The following WWTR1 variants were observed in gnomAD, a reference collection of about 807,000 sequenced individuals.
WWTR1 encodes WW domain containing transcription regulator 1.
In WWTR1, 13 loss-of-function variants were observed where a neutral mutation model predicts 40.1. The ratio of observed to expected loss-of-function variants is 0.32; its 90% CI spans 0.21 to 0.52. WWTR1 has a LOEUF of 0.52. Among genes scored for constraint, WWTR1 ranks in the 20% least tolerant of loss-of-function variants. WWTR1 has a pLI of 0.97. For synonymous variants in WWTR1, 230 were observed against 210.1 expected (o/e 1.09, Z -0.82); for missense variants, 436 against 523.1 (o/e 0.83, Z 1.63).
At chr3:149,710,410 G>A (rs1490824745) in intron 5 of WWTR1, among the ~76,000 whole-genome samples, 1 of 152,008 alleles carries the variant, frequency 6.6e-6, no homozygotes, top group Non-Finnish European at 1.5e-5. Flanking sequence ...TCAAATTCTG[G>A]TTTGCTATTT....
intron 2 of WWTR1, among the ~76,000 whole-genome samples, chr3:149,608,855 C>G (rs1466359481): frequency 2.6e-5 from 4 of 151,964 alleles, no homozygotes; most frequent in Admixed American, 2.0e-4. Flanking sequence ...GAGTTTGAGA[C>G]CAGCCTGGGC....
chr3:149,529,967 C>G (rs1198231791), intron 4 of WWTR1, among the ~76,000 whole-genome samples: 1 of 152,108 alleles, frequency 6.6e-6, no homozygotes, highest in Non-Finnish European at 1.5e-5. Flanking sequence ...TGGGAGTTTA[C>G]CTCTAAACAA....
chr3:149,565,676 C>G (rs1469057601), intron 3 of WWTR1, among the ~76,000 whole-genome samples: 1 of 152,064 alleles, frequency 6.6e-6, no homozygotes, highest in Admixed American at 6.6e-5. Flanking sequence ...CTTTGGGAGG[C>G]TGAGGTGGGC....
intron 2 of WWTR1, among the ~76,000 whole-genome samples, chr3:149,583,167 T>C (rs1738235860): frequency 6.6e-6 from 1 of 152,198 alleles, no homozygotes; most frequent in Non-Finnish European, 1.5e-5. Flanking sequence ...GGTTTCACCA[T>C]GTTGGCCAGG....
chr3:149,685,198 G>C (rs1714603768), intron 1 of WWTR1, among the ~76,000 whole-genome samples: 1 of 152,120 alleles, frequency 6.6e-6, no homozygotes, highest in Non-Finnish European at 1.5e-5. Context: ...ACAAAGAATG[G>C]GCACCTGATC....
At chr3:149,540,373 C>G in intron 4 of WWTR1, 2 of 429,234 alleles carry the variant, frequency 4.7e-6, no homozygotes, top group South Asian at 3.3e-5. Context: ...CTTTTCCCAC[C>G]CCTTTTCAGA....
intron 1 of WWTR1, chr3:149,701,586 A>G (rs1715175025): frequency 5.6e-6 from 1 of 178,422 alleles, no homozygotes; most frequent in Admixed American, 6.3e-5. Flanking sequence ...CAAATATAAC[A>G]TGATAAAATA....
chr3:149,713,097 G>A (rs963232591), intron 5 of WWTR1, among the ~76,000 whole-genome samples: 1 of 152,176 alleles, frequency 6.6e-6, no homozygotes, highest in African/African-American at 2.4e-5. Flanking sequence ...TAGGTGGAGA[G>A]AAAAGGTAAT....
At chr3:149,659,332 T>TTTTTTTTTTC, upstream of WWTR1, 1 of 63,640 alleles carries the variant, frequency 1.6e-5, no homozygotes, top group African/African-American at 6.1e-5. Context: ...TGTGCCTTAA[T>TTTTTTTTTTC]TTTTTTTTTT....
chr3:149,537,954 C>CT (rs1735910769), intron 4 of WWTR1, among the ~76,000 whole-genome samples: 1 of 151,822 alleles, frequency 6.6e-6, no homozygotes, highest in Non-Finnish European at 1.5e-5. Flanking sequence ...GAGTCTCACT[C>CT]TGTTGCCCAG....
chr3:149,565,122 G>C (rs938632432), intron 3 of WWTR1, among the ~76,000 whole-genome samples: 2 of 151,460 alleles, frequency 1.3e-5, no homozygotes, highest in Non-Finnish European at 2.9e-5. Flanking sequence ...GGGAGGCAGA[G>C]GTTGCAGTGA....
At chr3:149,657,453 C>T (rs1713317939) in intron 1 of WWTR1, 144 bp from the exon 2 acceptor site, 1 of 964,618 alleles carries the variant, frequency 1.0e-6, no homozygotes. Flanking sequence ...CCTGGAGATC[C>T]CAGACACTCA....
At chr3:149,646,622 T>C (rs995578800) in intron 2 of WWTR1, among the ~76,000 whole-genome samples, 9 of 152,302 alleles carry the variant, frequency 5.9e-5, no homozygotes, top group Non-Finnish European at 8.8e-5. Context: ...CTCTAACTGG[T>C]TATTGAATTT....
chr3:149,695,624 G>A (rs1247629737), intron 1 of WWTR1, among the ~76,000 whole-genome samples: 4 of 151,486 alleles, frequency 2.6e-5, no homozygotes, highest in Non-Finnish European at 5.9e-5. Context: ...CTCTGGGCAT[G>A]ATGGCAGGCG....
intron 3 of WWTR1, among the ~76,000 whole-genome samples, chr3:149,554,285 A>G (rs1240959071): frequency 6.6e-6 from 1 of 152,186 alleles, no homozygotes; most frequent in Non-Finnish European, 1.5e-5. Flanking sequence ...CAAGCCTTAA[A>G]ACCACTTCCA....
chr3:149,529,991 T>G (rs1735490785), intron 4 of WWTR1, among the ~76,000 whole-genome samples: 1 of 152,172 alleles, frequency 6.6e-6, no homozygotes, highest in Non-Finnish European at 1.5e-5. Context: ...CACTTTTAAT[T>G]TAAAAGTTGA....
chr3:149,556,939 T>C (rs865954402), intron 3 of WWTR1, among the ~76,000 whole-genome samples: 1 of 152,188 alleles, frequency 6.6e-6, no homozygotes, highest in African/African-American at 2.4e-5. Context: ...ATATGTAGTA[T>C]ACACTCATTT....
chr3:149,559,293 C>CAAAAAAAAAAAAAAAAAAAAAAAAA (rs57470539), intron 3 of WWTR1, among the ~76,000 whole-genome samples: 19 of 57,980 alleles, frequency 3.3e-4, no homozygotes, highest in Non-Finnish European at 4.0e-4. Flanking sequence ...GACTCCATCT[C>CAAAAAAAAAAAAAAAAAAAAAAAAA]AAAAAAAAAA....
chr3:149,641,666 T>C (rs1462021207), intron 2 of WWTR1, among the ~76,000 whole-genome samples: 2 of 152,236 alleles, frequency 1.3e-5, no homozygotes, highest in East Asian at 1.9e-4. Flanking sequence ...GTCTCAACAA[T>C]TGGGATCTAA....
Sources: allele counts gnomAD v4.1 joint callset (sites outside exome capture counted in the v4.1 genomes callset), GRCh38; gene constraint gnomAD v4.1.1; transcripts MANE v1.5; gene names NCBI Gene and HGNC (gene_info 2026-07-23, HGNC 2026-07-21).